The following SLC23A2 variants were observed in gnomAD, a reference collection of about 807,000 sequenced individuals.
The protein encoded by SLC23A2 is Na(+)/L-ascorbic acid transporter 2.
A neutral mutation model predicts 73.3 loss-of-function variants in SLC23A2; 36 were observed. The observed-to-expected ratio is 0.49, with a 90% confidence interval of 0.38 to 0.65. SLC23A2 has a LOEUF of 0.65. Among genes scored for constraint, SLC23A2 ranks in the 30% least tolerant of loss-of-function variants. SLC23A2 has a pLI of 0.00. For synonymous variants in SLC23A2, 343 were observed against 327.3 expected (o/e 1.05, Z -0.52); for missense variants, 507 against 841.6 (o/e 0.60, Z 4.92).
chr20:5,000,782 C>A (rs1412011241), intron 1 of SLC23A2, among the ~76,000 whole-genome samples: 1 of 152,158 alleles, frequency 6.6e-6, no homozygotes, highest in Non-Finnish European at 1.5e-5. Flanking sequence ...TTTTTCCCCC[C>A]GAAAGGTGGC....
chr20:4,956,340 G>A (rs2087287546), intron 2 of SLC23A2, among the ~76,000 whole-genome samples: 1 of 152,140 alleles, frequency 6.6e-6, no homozygotes, highest in South Asian at 2.1e-4. Context: ...CTTTGACTCT[G>A]TAATAAGACA....
At chr20:4,964,203 C>A (rs566975833) in intron 2 of SLC23A2, among the ~76,000 whole-genome samples, 7 of 152,092 alleles carry the variant, frequency 4.6e-5, no homozygotes, top group Admixed American at 1.3e-4. Flanking sequence ...CCACGTTGCC[C>A]TGGCTGGTCT....
chr20:5,003,964 C>T (rs555752032), upstream of SLC23A2, among the ~76,000 whole-genome samples: 29 of 152,102 alleles, frequency 1.9e-4, no homozygotes, highest in African/African-American at 6.5e-4. Context: ...ATCCATACAC[C>T]CCCCTTCCCT....
chr20:4,976,916 C>T (rs886567992), intron 1 of SLC23A2, among the ~76,000 whole-genome samples: 2 of 151,944 alleles, frequency 1.3e-5, no homozygotes, highest in African/African-American at 4.8e-5. Context: ...GCGGAGGTTG[C>T]AGTGAGCCAA....
chr20:4,971,346 T>C (rs2087557851), intron 1 of SLC23A2, among the ~76,000 whole-genome samples: 1 of 150,670 alleles, frequency 6.6e-6, no homozygotes, highest in African/African-American at 2.5e-5. Flanking sequence ...ATTAGCCAAG[T>C]GTGGTGGTGC....
intron 2 of SLC23A2, among the ~76,000 whole-genome samples, chr20:4,950,660 C>A (rs1442632635): frequency 6.6e-6 from 1 of 152,060 alleles, no homozygotes; most frequent in East Asian, 1.9e-4. Context: ...AGTGGGCACC[C>A]TCTGCCCTGT....
rs888403652 is a variant in SLC23A2 at position 4,947,982 on chromosome 20, C to T, written c.-154-15266G>A. On this transcript the variant is annotated intron_variant, in intron 2 of 16. Transcript: ENST00000338244. This position sits in a 1 kb window ranked among gnomAD's most constrained non-coding sequence, Gnocchi z 4.4. ...AGCCTGGATAACTTCCAGGAGATGG[C>T]TGTGCCCTGCTGATTCAGTCCCACT... is the stretch of plus-strand genomic sequence containing the variant. Among the ~76,000 whole-genome samples, 1 of 152,226 alleles carries T rather than the reference C, an allele frequency of 6.6e-6. No homozygotes were observed. The highest frequency in any genetic ancestry group is 1.5e-5 in the Non-Finnish European group (1 of 68,036).
intron 2 of SLC23A2, among the ~76,000 whole-genome samples, chr20:4,968,334 G>C (rs1311384453): frequency 6.6e-6 from 1 of 152,168 alleles, no homozygotes; most frequent in African/African-American, 2.4e-5. Flanking sequence ...GAACACAACA[G>C]CCTAACCCCA....
intron 1 of SLC23A2, among the ~76,000 whole-genome samples, chr20:4,995,729 A>C (rs923480816): frequency 6.6e-6 from 1 of 152,136 alleles, no homozygotes; most frequent in Admixed American, 6.6e-5. Context: ...TCCTGACTCT[A>C]CTTGTCAGCG....
At chr20:4,955,904 G>A (rs2087280874) in intron 2 of SLC23A2, among the ~76,000 whole-genome samples, 1 of 151,608 alleles carries the variant, frequency 6.6e-6, no homozygotes, top group South Asian at 2.1e-4. Context: ...TAATATAGGG[G>A]TTACGGGTGT....
Position 4,902,708 on chromosome 20 carries a change from A to G in SLC23A2, c.208-150T>C. 1 of 546,930 alleles carries G rather than the reference A, an allele frequency of 1.8e-6. No individual in the cohort carries two copies. The highest frequency in any genetic ancestry group is 3.2e-6 in the Non-Finnish European group (1 of 308,868). The allele number at this position is 546,930 out of a possible 1,614,324, so 33.9% of individuals were successfully genotyped here. A position where few individuals can be genotyped will look rare whatever the true frequency, so the allele number is the denominator to read the frequency against. On this transcript the variant is annotated intron_variant, in intron 4 of 16. Coordinates refer to ENST00000338244, the MANE Select transcript of SLC23A2 (RefSeq NM_005116.6). This position sits in a 1 kb window ranked among gnomAD's most constrained non-coding sequence, Gnocchi z 4.0. ...TGAGCCTTGGCTATCTTTGAAGCCA[A>G]GTATTCTCTTTGGCTCAAGTACAGT...
At chr20:4,972,326 A>T (rs2087573524) in intron 1 of SLC23A2, among the ~76,000 whole-genome samples, 1 of 151,928 alleles carries the variant, frequency 6.6e-6, no homozygotes, top group Non-Finnish European at 1.5e-5. Flanking sequence ...GTACCAGTCC[A>T]GCCTTCAAGG....
chr20:4,896,308 G>A (rs141688629), intron 6 of SLC23A2, among the ~76,000 whole-genome samples: 72 of 152,282 alleles, frequency 4.7e-4, no homozygotes, highest in African/African-American at 1.0e-3. Flanking sequence ...GACAGGGTCT[G>A]AGGCCGTGCG....
intron 3 of SLC23A2, among the ~76,000 whole-genome samples, chr20:4,924,862 T>C (rs969919884): frequency 6.6e-6 from 1 of 152,324 alleles, no homozygotes. Context: ...CTTATTTCTA[T>C]TGTGGATTGC....
chr20:4,964,046 G>A (rs144545729), intron 2 of SLC23A2, among the ~76,000 whole-genome samples: 2,834 of 149,386 alleles, frequency 0.019, 87 homozygotes, highest in African/African-American at 0.064. Flanking sequence ...TCACTCTGTC[G>A]CCGAAGCTGG....
intron 1 of SLC23A2, among the ~76,000 whole-genome samples, chr20:4,995,392 C>G (rs182671529): frequency 6.6e-6 from 1 of 152,270 alleles, no homozygotes; most frequent in East Asian, 1.9e-4. Flanking sequence ...AAATGCACAT[C>G]TGAACAAGTC....
chr20:4,882,036 T>C (rs1052436643), intron 9 of SLC23A2, among the ~76,000 whole-genome samples: 3 of 152,216 alleles, frequency 2.0e-5, no homozygotes, highest in Admixed American at 1.3e-4. Context: ...CCATCTCTGC[T>C]GGTGTGAAGA....
At chr20:4,957,739 A>T (rs910361713) in intron 2 of SLC23A2, among the ~76,000 whole-genome samples, 2 of 151,678 alleles carry the variant, frequency 1.3e-5, no homozygotes, top group African/African-American at 4.8e-5. Flanking sequence ...CATCTCTACT[A>T]AAAATACAAA....
intron 2 of SLC23A2, among the ~76,000 whole-genome samples, chr20:4,943,148 C>G (rs115238631): frequency 2.8e-4 from 39 of 141,128 alleles, no homozygotes; most frequent in African/African-American, 1.0e-3. Context: ...GGGGGTGGGG[C>G]GGTGTGGAGA....
Sources: allele counts gnomAD v4.1 joint callset (sites outside exome capture counted in the v4.1 genomes callset), GRCh38; gene constraint gnomAD v4.1.1; non-coding constraint Gnocchi (gnomAD v3.1); transcripts MANE v1.5; gene names NCBI Gene and HGNC (gene_info 2026-07-23, HGNC 2026-07-21).